Variants in PSMD1 observed in about 807,000 individuals in gnomAD.
PSMD1 encodes proteasome 26S subunit, non-ATPase 1, also known as 26S proteasome non-ATPase regulatory subunit 1.
PSMD1 carries 18 observed loss-of-function variants against 119.0 expected under a neutral mutation model. The ratio of observed to expected loss-of-function variants is 0.15; its 90% confidence interval spans 0.10 to 0.22. The LOEUF is 0.22. PSMD1 is among the 10% of genes least tolerant of loss of function. PSMD1 has a pLI of 1.00. For missense variants in PSMD1, 702 were observed against 1,158.5 expected, an observed-to-expected ratio of 0.61 and a Z score of 5.72; for synonymous variants, 374 against 396.6, an observed-to-expected ratio of 0.94 and a Z score of 0.68.
intron 16 of PSMD1, among the ~76,000 whole-genome samples, chr2:231,134,792 C>T (rs190833871): frequency 2.0e-3 from 307 of 152,142 alleles, no homozygotes; most frequent in Non-Finnish European, 3.6e-3. Context: ...GTCAGTTTTC[C>T]CTGGTTTTGA....
intron 19 of PSMD1, among the ~76,000 whole-genome samples, chr2:231,154,125 A>C (rs868157132): frequency 2.0e-5 from 3 of 149,670 alleles, no homozygotes; most frequent in Non-Finnish European, 3.0e-5. Context: ...AAAAACAAAA[A>C]AACCAAAAAA....
At chr2:231,119,544 G>A (rs1695458673) in intron 16 of PSMD1, among the ~76,000 whole-genome samples, 1 of 152,144 alleles carries the variant, frequency 6.6e-6, no homozygotes, top group African/African-American at 2.4e-5. Flanking sequence ...CACGGATACT[G>A]TTTGAACTTA....
rs144805413 is a variant in PSMD1, at chr2:231,085,083, A to G, written c.1787A>G (p.Asn596Ser). Residue 596 changes from asparagine to serine, a missense_variant, in exon 15 of 25, where the codon AAC (asparagine) becomes AGC (serine). This residue lies in a region of PSMD1 where 272 missense variants were observed against 511.6 expected (regional missense o/e 0.53). Transcript: ENST00000308696. ...ATGGCTTATTGTGGCTCTGGTAACAACAAAGCAATTCGACGCCTGCTACAT... is the reference window on the plus strand; with the variant it reads ...ATGGCTTATTGTGGCTCTGGTAACAGCAAAGCAATTCGACGCCTGCTACAT... ...VAMAYCGSGNNKAIRRLLHVA... is the reference protein window; with the variant it reads ...VAMAYCGSGNSKAIRRLLHVA... The G allele has an allele frequency of 3.8e-5, 61 of 1,613,968 alleles. No individual in the cohort carries two copies. The highest frequency in any genetic ancestry group is 5.2e-5 in the Non-Finnish European group (61 of 1,179,930).
chr2:231,075,985 T>A (rs185681783), intron 8 of PSMD1, among the ~76,000 whole-genome samples: 4 of 152,368 alleles, frequency 2.6e-5, no homozygotes, highest in African/African-American at 4.8e-5. Flanking sequence ...ATACATGCTT[T>A]TATTAAAGTT....
At chr2:231,066,733 G>C (rs186812115) in intron 4 of PSMD1, among the ~76,000 whole-genome samples, 173 bp from the exon 5 acceptor site, 1 of 152,086 alleles carries the variant, frequency 6.6e-6, no homozygotes, top group African/African-American at 2.4e-5. Context: ...GTAGTTCTCC[G>C]GTGTAAATAT....
chr2:231,163,645 T>G lies in PSMD1; in HGVS notation c.2399T>G (p.Val800Gly). ...ATGGAATTTCTTCAGATGCCGAAAG[T>G]TCAGTATAAATCGAACTGTAAACCA... ...GLNKDLKMPK[V>G]QYKSNCKPST... Residue 800 changes from valine (V) to glycine (G), a missense_variant, in exon 21 of 25, where the codon GTT becomes GGT. Val to Gly is a moderately radical substitution (Grantham distance 109). Coordinates refer to ENST00000308696, the MANE Select transcript of PSMD1 (RefSeq NM_002807.4). 1 of 1,611,190 alleles carries G rather than the reference T, an allele frequency of 6.2e-7. No individual in the cohort carries two copies. The highest frequency in any genetic ancestry group is 1.1e-5 in the South Asian group (1 of 90,908).
intron 16 of PSMD1, among the ~76,000 whole-genome samples, chr2:231,136,655 T>A (rs2125245769): frequency 6.6e-6 from 1 of 152,252 alleles, no homozygotes; most frequent in South Asian, 2.1e-4. Context: ...TTTCCACTTT[T>A]ATTTTTTATT....
At position 231,066,921 on chromosome 2, in the gene PSMD1, A is replaced by T; in HGVS notation, c.320A>T (p.His107Leu). 6.2e-7 allele frequency: 1 copy of T among 1,606,638 alleles called. No homozygotes were observed. Among genetic ancestry groups the T allele is most frequent in the Non-Finnish European group, 8.5e-7 (1 of 1,177,106 alleles). Reference protein sequence around the residue: ...VETIIAKCIDHYTKQCVENAD... With the variant: ...VETIIAKCIDLYTKQCVENAD... The stretch of plus-strand genomic sequence containing the variant: ...TCCTCAACAGCAAAATGCATTGATC[A>T]CTACACCAAACAATGTGTGGAAAAT... The change falls in exon 5 of 25, where the codon CAC becomes CTC. Residue 107 changes from histidine to leucine, a missense_variant. By Grantham distance (99) the His-to-Leu change is moderately conservative. Transcript: ENST00000308696.
At chr2:231,099,356 A>G (rs1006315036) in intron 16 of PSMD1, among the ~76,000 whole-genome samples, 14 of 152,218 alleles carry the variant, frequency 9.2e-5, no homozygotes, top group African/African-American at 2.9e-4. Context: ...ATATCGGATT[A>G]GAAGCTGACA....
In PSMD1 at chr2:231,109,031, T is replaced by G. The variant is rs1349080953; in HGVS notation, c.1883+21850T>G. ...TTCGTTGGAAATGGTCTGCACTGAC[T>G]TTTTCCCAATTGTGGATGTTCTTCG... On this transcript the variant is annotated intron_variant, in intron 16 of 24. Transcript: ENST00000308696. 14 of 1,614,170 alleles carry G rather than the reference T, an allele frequency of 8.7e-6. No homozygotes were observed. Among genetic ancestry groups the G allele is most frequent in the Non-Finnish European group, 1.2e-5 (14 of 1,179,974 alleles).
chr2:231,062,951 G>A (rs3769990), intron 4 of PSMD1, among the ~76,000 whole-genome samples: 74,835 of 151,906 alleles, frequency 0.49, 21,868 homozygotes, highest in African/African-American at 0.81. Flanking sequence ...GTACCAGTTT[G>A]TGTAGTTTTT....
intron 16 of PSMD1, chr2:231,123,473 C>G: frequency 1.2e-6 from 2 of 1,614,066 alleles, no homozygotes; most frequent in Non-Finnish European, 1.7e-6. Flanking sequence ...AAATCAGCCA[C>G]CGCCAAGGAC....
At chr2:231,083,530 A>T in intron 13 of PSMD1, 37 bp from the exon 14 acceptor site, 2 of 1,606,884 alleles carry the variant, frequency 1.2e-6, no homozygotes, top group Non-Finnish European at 1.7e-6. Context: ...CTTTAAAAAC[A>T]TAACTCTCTG....
At chr2:231,144,252 CTTTT>C (rs113617018) in intron 17 of PSMD1, among the ~76,000 whole-genome samples, 2 of 136,648 alleles carry the variant, frequency 1.5e-5, no homozygotes, top group Non-Finnish European at 1.6e-5. Context: ...GGTTTGTTTC[CTTTT>C]TTTTTTTTTT....
intron 16 of PSMD1, chr2:231,123,622 T>C (rs1303898558): frequency 6.2e-7 from 1 of 1,614,138 alleles, no homozygotes; most frequent in East Asian, 2.2e-5. Context: ...TCCCTGTTCC[T>C]CAACAATCTG....
At chr2:231,132,881 GTT>G (rs1242805779) in intron 16 of PSMD1, among the ~76,000 whole-genome samples, 2 of 152,194 alleles carry the variant, frequency 1.3e-5, no homozygotes, top group East Asian at 3.8e-4. Flanking sequence ...GATTTAAGGG[GTT>G]CTCTTGACTT....
At chr2:231,057,641 T>C (rs2125146273) in intron 1 of PSMD1, among the ~76,000 whole-genome samples, 1 of 152,368 alleles carries the variant, frequency 6.6e-6, no homozygotes, top group East Asian at 1.9e-4. Context: ...GATACCTTTA[T>C]ACTGAGAGCC....
At chr2:231,161,614 A>G (rs565061937) in intron 20 of PSMD1, 105 bp downstream of exon 20, 10 of 1,158,356 alleles carry the variant, frequency 8.6e-6, no homozygotes, top group African/African-American at 4.6e-5. Flanking sequence ...AAGATGAGTT[A>G]ACATCTTATA....
chr2:231,163,319 T>G, intron 20 of PSMD1: 1 of 231,974 alleles, frequency 4.3e-6, no homozygotes, highest in Non-Finnish European at 8.4e-6. Flanking sequence ...TCAAATGCTT[T>G]ACAAAGGAGA....
Sources: allele counts gnomAD v4.1 joint callset (sites outside exome capture counted in the v4.1 genomes callset), GRCh38; gene constraint gnomAD v4.1.1; regional missense constraint gnomAD v4.1.1; transcripts MANE v1.5; gene names NCBI Gene and HGNC (gene_info 2026-07-23, HGNC 2026-07-21).